VSTM4: variants seen among roughly 807,000 people sequenced by gnomAD.
VSTM4 encodes V-set and transmembrane domain-containing protein 4.
In VSTM4, 20 loss-of-function variants were observed where a neutral mutation model predicts 36.4. The ratio of observed to expected loss-of-function variants is 0.55; its 90% CI spans 0.39 to 0.80. VSTM4 has a LOEUF of 0.80. VSTM4 is among the 30% of genes least tolerant of loss of function. VSTM4 has a pLI of 0.00. For synonymous variants in VSTM4, 182 were observed against 173.9 expected (o/e 1.05, Z -0.37); for missense variants, 392 against 404.5 (o/e 0.97, Z 0.26).
At chr10:49,044,637 T>C (rs1590082175) in intron 7 of VSTM4, among the ~76,000 whole-genome samples, 1 of 152,194 alleles carries the variant, frequency 6.6e-6, no homozygotes, top group Non-Finnish European at 1.5e-5. Flanking sequence ...TAGAGATATG[T>C]CCTGCCAGTC....
intron 2 of VSTM4, among the ~76,000 whole-genome samples, chr10:49,087,487 G>C (rs1319696113): frequency 6.6e-6 from 1 of 152,158 alleles, no homozygotes; most frequent in Non-Finnish European, 1.5e-5. Flanking sequence ...TTGGTTCCCT[G>C]ATAGGAAGTT....
chr10:49,064,367 G>A (rs1564579588), intron 5 of VSTM4: 1 of 306,256 alleles, frequency 3.3e-6, no homozygotes, highest in African/African-American at 2.2e-5. Context: ...GAGAATTGGG[G>A]GTGTTTGTGG....
At chr10:49,102,800 C>T (rs1844692791) in intron 2 of VSTM4, 13 of 963,816 alleles carry the variant, frequency 1.3e-5, no homozygotes, top group Non-Finnish European at 1.6e-5. Flanking sequence ...TGAGGATCAA[C>T]TGTGTACCAG....
Position 49,115,473 on chromosome 10 carries a change from C to T in VSTM4, c.13G>A (p.Ala5Thr). Reference sequence around the variant, plus strand: ...GCCAGCAGCGCGGCCGCCGCCAGTGCCAGCAGCCGCATCTCCCCGCCGCCG... The same window carrying T: ...GCCAGCAGCGCGGCCGCCGCCAGTGTCAGCAGCCGCATCTCCCCGCCGCCG... MRLLALAAAALLARA... is the reference protein window; with the variant it reads MRLLTLAAAALLARA... Residue 5 changes from alanine (A) to threonine (T), a missense_variant, in exon 1 of 8, where the codon GCA becomes ACA. By Grantham distance (58) the Ala-to-Thr change is moderately conservative. Transcript: ENST00000332853. The T allele has an allele frequency of 9.7e-7, 1 of 1,030,084 alleles. No homozygotes were observed. Among genetic ancestry groups the T allele is most frequent in the Non-Finnish European group, 1.2e-6 (1 of 855,582 alleles). The allele number at this position is 1,030,084 out of a possible 1,614,324, so 63.8% of individuals were successfully genotyped here. A position where few individuals can be genotyped will look rare whatever the true frequency, so the allele number is the denominator to read the frequency against.
At chr10:49,083,592 T>C (rs896593461) in intron 3 of VSTM4, among the ~76,000 whole-genome samples, 5 of 152,206 alleles carry the variant, frequency 3.3e-5, no homozygotes, top group African/African-American at 1.2e-4. Flanking sequence ...AGAATGCCAG[T>C]TCTGCTTTTG....
chr10:49,087,961 ATG>A (rs58052395), intron 2 of VSTM4, among the ~76,000 whole-genome samples: 9,346 of 147,364 alleles, frequency 0.063, 1,015 homozygotes, highest in African/African-American at 0.22. Flanking sequence ...TGTAATATAT[ATG>A]TGTATATATA....
intron 7 of VSTM4, among the ~76,000 whole-genome samples, chr10:49,036,851 G>A (rs1411301979): frequency 2.0e-5 from 3 of 152,206 alleles, no homozygotes; most frequent in African/African-American, 4.8e-5. Flanking sequence ...AGGTTCCTAC[G>A]GCAGGGTCCC....
chr10:49,102,133 G>T (rs1020810286), intron 2 of VSTM4: 2 of 150,122 alleles, frequency 1.3e-5, no homozygotes, highest in Admixed American at 6.8e-5. Flanking sequence ...TTTAGTTTTT[G>T]CATTGTTTGA....
chr10:49,045,448 A>G (rs1282929843), intron 7 of VSTM4, among the ~76,000 whole-genome samples: 1 of 152,208 alleles, frequency 6.6e-6, no homozygotes, highest in Non-Finnish European at 1.5e-5. Context: ...GCACCATAGT[A>G]AAATCTGCTG....
chr10:49,113,431 C>A (rs920362255), intron 1 of VSTM4, among the ~76,000 whole-genome samples: 1 of 152,186 alleles, frequency 6.6e-6, no homozygotes, highest in East Asian at 1.9e-4. Flanking sequence ...CGGGTACAAA[C>A]TCTATGCCCT....
intron 5 of VSTM4, among the ~76,000 whole-genome samples, chr10:49,061,353 T>C (rs549502051): frequency 2.0e-5 from 3 of 152,284 alleles, no homozygotes; most frequent in East Asian, 3.9e-4. Flanking sequence ...ATAATTGTTT[T>C]TTTACTGTTG....
At chr10:49,041,587 A>G (rs1843522323) in intron 7 of VSTM4, among the ~76,000 whole-genome samples, 1 of 152,206 alleles carries the variant, frequency 6.6e-6, no homozygotes, top group Non-Finnish European at 1.5e-5. Flanking sequence ...ATTGAATCTG[A>G]TATTTTTTTA....
intron 5 of VSTM4, among the ~76,000 whole-genome samples, chr10:49,058,987 G>A (rs1404308921): frequency 6.6e-6 from 1 of 152,356 alleles, no homozygotes; most frequent in African/African-American, 2.4e-5. Flanking sequence ...GCTGGGACCT[G>A]GGAGCTACTG....
chr10:49,108,369 C>CCCACA (rs1242165060), intron 1 of VSTM4, among the ~76,000 whole-genome samples: 2 of 152,202 alleles, frequency 1.3e-5, no homozygotes, highest in African/African-American at 4.8e-5. Context: ...CCCACCACTC[C>CCCACA]CCACACCTCA....
rs1014701093 is a variant in VSTM4 at position 49,015,056 on chromosome 10, T to G, written c.*4594A>C. The G allele has an allele frequency of 3.3e-5, 5 of 151,850 alleles. No homozygotes were observed. The highest frequency in any genetic ancestry group is 1.2e-4 in the African/African-American group (5 of 41,284). 9.4% of individuals were successfully genotyped at this position (151,850 alleles called of 1,614,324 possible). Reference sequence around the variant, plus strand: ...CAGGGACCAGAAGCATGGACATCCCTGGGAGCTTGTTAGAAACTCAGAATC... The same window carrying G: ...CAGGGACCAGAAGCATGGACATCCCGGGGAGCTTGTTAGAAACTCAGAATC... On this transcript the variant is annotated 3_prime_UTR_variant, in exon 8 of 8. Transcript: ENST00000332853.
At chr10:49,024,411 C>A (rs915359801) in intron 7 of VSTM4, among the ~76,000 whole-genome samples, 7 of 152,088 alleles carry the variant, frequency 4.6e-5, no homozygotes, top group African/African-American at 1.7e-4. Context: ...AGGAAGGCTG[C>A]AATAAAGGGA....
At chr10:49,044,442 G>A (rs1564571425) in intron 7 of VSTM4, among the ~76,000 whole-genome samples, 1 of 142,400 alleles carries the variant, frequency 7.0e-6, no homozygotes, top group East Asian at 2.1e-4. Context: ...AAGAAGGAAG[G>A]AAGGAGAGAA....
intron 2 of VSTM4, among the ~76,000 whole-genome samples, chr10:49,088,126 C>G (rs1016259015): frequency 6.6e-6 from 1 of 151,872 alleles, no homozygotes; most frequent in Non-Finnish European, 1.5e-5. Context: ...CCTAATTGTT[C>G]TCAGGAGGAG....
chr10:49,085,614 C>T (rs1844356120), intron 3 of VSTM4, among the ~76,000 whole-genome samples: 1 of 152,172 alleles, frequency 6.6e-6, no homozygotes, highest in African/African-American at 2.4e-5. Context: ...CTGATACTGT[C>T]AGGGATTTCC....
Sources: allele counts gnomAD v4.1 joint callset (sites outside exome capture counted in the v4.1 genomes callset), GRCh38; gene constraint gnomAD v4.1.1; transcripts MANE v1.5; gene names NCBI Gene and HGNC (gene_info 2026-07-23, HGNC 2026-07-21).